The following ZNF695 variants were observed in gnomAD, a reference collection of about 807,000 sequenced individuals.
The protein encoded by ZNF695 is zinc finger protein SBZF3.
ZNF695 carries 11 observed loss-of-function variants against 11.2 expected under a neutral mutation model. That is an observed-to-expected ratio of 0.98 (90% CI 0.62 to 1.62). The LOEUF is 1.62. Ranked by LOEUF, ZNF695 falls within the 40% of genes most tolerant of loss-of-function variation. The pLI, the probability that ZNF695 is intolerant of heterozygous loss-of-function variation, is 0.00. For synonymous variants in ZNF695, 190 were observed against 201.4 expected (o/e 0.94, Z 0.48); for missense variants, 559 against 590.5 (o/e 0.95, Z 0.55).
At chr1:246,982,131 G>A (rs920873250), downstream of ZNF695, among the ~76,000 whole-genome samples, 4 of 151,962 alleles carry the variant, frequency 2.6e-5, no homozygotes, top group South Asian at 4.2e-4. Context: ...TTAGCCAGGC[G>A]TGGTGGTGCA....
At chr1:246,997,963 C>G (rs1463480398) in intron 3 of ZNF695, among the ~76,000 whole-genome samples, 1 of 152,206 alleles carries the variant, frequency 6.6e-6, no homozygotes, top group African/African-American at 2.4e-5. Flanking sequence ...CTTTGGAAAT[C>G]TAATGAGTAG....
chr1:246,970,090 T>TA (rs1468072484), intron 4 of ZNF695, among the ~76,000 whole-genome samples: 1 of 152,192 alleles, frequency 6.6e-6, no homozygotes, highest in Non-Finnish European at 1.5e-5. Flanking sequence ...TAGCACTTAG[T>TA]ATAGAGAGCA....
At chr1:246,998,923 G>C (rs1669282269) in intron 3 of ZNF695, among the ~76,000 whole-genome samples, 1 of 151,816 alleles carries the variant, frequency 6.6e-6, no homozygotes, top group Non-Finnish European at 1.5e-5. Context: ...AGCCGAGATT[G>C]TGCCACTGCA....
downstream of ZNF695, among the ~76,000 whole-genome samples, chr1:246,982,212 G>A (rs1668726286): frequency 6.8e-6 from 1 of 147,218 alleles, no homozygotes. Context: ...GGAGGTTGCG[G>A]TGAGCCGAGA....
At chr1:246,957,233 A>T (rs1446994495) in intron 5 of ZNF695, among the ~76,000 whole-genome samples, 1 of 152,138 alleles carries the variant, frequency 6.6e-6, no homozygotes, top group East Asian at 1.9e-4. Flanking sequence ...AATACAAAAA[A>T]TTAGCTGGGC....
Position 246,986,386 on chromosome 1 carries a change from A to C in ZNF695, c.*581T>G. On this transcript the variant is annotated 3_prime_UTR_variant, in exon 4 of 4. Coordinates refer to ENST00000339986, the MANE Select transcript of ZNF695 (RefSeq NM_020394.5). ...CCTGGCACCAAAAGGTATACTTGAAATGTAATTATAACTTCCCCAAAAGGT... is the reference window on the plus strand; with the variant it reads ...CCTGGCACCAAAAGGTATACTTGAACTGTAATTATAACTTCCCCAAAAGGT... The C allele has an allele frequency of 1.0e-6, 1 of 985,560 alleles. No individual in the cohort carries two copies. The highest frequency in any genetic ancestry group is 1.2e-6 in the Non-Finnish European group (1 of 830,006). 61.1% of individuals were successfully genotyped at this position (985,560 alleles called of 1,614,324 possible).
intron 5 of ZNF695, among the ~76,000 whole-genome samples, chr1:246,952,062 C>T (rs558156842): frequency 1.3e-5 from 2 of 152,316 alleles, no homozygotes; most frequent in African/African-American, 4.8e-5. Flanking sequence ...GATTCTCCCA[C>T]CTCAGCCTCC....
At chr1:246,955,922 C>G (rs942572212) in intron 5 of ZNF695, among the ~76,000 whole-genome samples, 5 of 151,846 alleles carry the variant, frequency 3.3e-5, no homozygotes, top group African/African-American at 1.2e-4. Flanking sequence ...GGTACGGAGG[C>G]ACGGGAGCCA....
Position 246,987,556 on chromosome 1 carries a change from C to G in ZNF695, c.959G>C (p.Arg320Thr). ...TTCTTCACACTTGTAGGGTTTCTCTCTACTATGAATTCTCTTGTGTTGAGT... is the reference window on the plus strand; with the variant it reads ...TTCTTCACACTTGTAGGGTTTCTCTGTACTATGAATTCTCTTGTGTTGAGT... Reference protein sequence around the residue: ...YLTQHKRIHSREKPYKCEECG... With the variant: ...YLTQHKRIHSTEKPYKCEECG... The change falls in exon 4 of 4, where the codon AGA (arginine) becomes ACA (threonine). Residue 320 changes from arginine to threonine, a missense_variant. Transcript: ENST00000339986. 4.4e-6 allele frequency: 7 copies of G among 1,599,434 alleles called. No individual in the cohort carries two copies. The highest frequency in any genetic ancestry group is 4.3e-6 in the Non-Finnish European group (5 of 1,174,166).
At chr1:246,946,489 C>T (rs1452141057) in intron 5 of ZNF695, among the ~76,000 whole-genome samples, 2 of 152,212 alleles carry the variant, frequency 1.3e-5, no homozygotes, top group African/African-American at 2.4e-5. Context: ...ATGTAGCCAA[C>T]AATTGCACTC....
chr1:246,966,817 G>A, intron 5 of ZNF695: 2 of 456,700 alleles, frequency 4.4e-6, no homozygotes, highest in African/African-American at 2.0e-5. Context: ...AGAAAGTTGT[G>A]GGGAGGTCCT....
intron 4 of ZNF695, among the ~76,000 whole-genome samples, chr1:246,977,408 C>A (rs1668597215): frequency 6.6e-6 from 1 of 152,334 alleles, no homozygotes; most frequent in Middle Eastern, 3.4e-3. Context: ...GGGTGCCCGC[C>A]ACCATACCTG....
rs371804649 is a variant in ZNF695, at chr1:246,987,318, C to A, written c.1197G>T (p.Lys399Asn). Residue 399 changes from lysine (K) to asparagine (N), a missense_variant, in exon 4 of 4, where the codon AAG (lysine) becomes AAT (asparagine). Transcript: ENST00000339986. ...AGGGTTTCTGCCCAGTATGAATTCT[C>A]TTATGCTGAATAAGGTATGAGAACC... Reference protein sequence around the residue: ...FTWFSYLIQHKRIHTGQKPYK... With the variant: ...FTWFSYLIQHNRIHTGQKPYK... 3 of 1,613,640 alleles carry A rather than the reference C, an allele frequency of 1.9e-6. No individual in the cohort carries two copies. The highest frequency in any genetic ancestry group is 2.5e-6 in the Non-Finnish European group (3 of 1,179,958).
chr1:247,007,845 AT>A, intron 1 of ZNF695, 60 bp downstream of exon 1: 1 of 1,497,360 alleles, frequency 6.7e-7, no homozygotes, highest in Non-Finnish European at 9.0e-7. Flanking sequence ...GTTCCAGCCA[AT>A]TCCAACCGAT....
chr1:246,949,508 T>C (rs1667819552), intron 5 of ZNF695, among the ~76,000 whole-genome samples: 1 of 151,958 alleles, frequency 6.6e-6, no homozygotes, highest in Non-Finnish European at 1.5e-5. Flanking sequence ...GGAGACTCGC[T>C]TGAACCCAGG....
In ZNF695 at chr1:246,945,928, T is replaced by C. The variant is rs981121130; in HGVS notation, c.489-101A>G. On this transcript the variant is annotated intron_variant, in intron 5 of 5. Transcript: ENST00000487338. ...AAACCGGTTCTGATTGAAGACTTGG[T>C]TCCATTGGAGAAGTCTGTCTGTCCC... The C allele has an allele frequency of 3.5e-6, 5 of 1,423,048 alleles. No homozygotes were observed. In the African/African-American group the frequency reaches 5.7e-5, roughly 16 times the overall value. 88.2% of individuals were successfully genotyped at this position (1,423,048 alleles called of 1,614,324 possible). A position where few individuals can be genotyped will look rare whatever the true frequency, so the allele number is the denominator to read the frequency against.
At chr1:246,981,943 A>G (rs2103019173), downstream of ZNF695, among the ~76,000 whole-genome samples, 1 of 152,298 alleles carries the variant, frequency 6.6e-6, no homozygotes, top group Middle Eastern at 3.4e-3. Flanking sequence ...GAGATTTAAA[A>G]AGTTCCCAAG....
chr1:246,999,787 G>C (rs961895470), intron 2 of ZNF695, 125 bp downstream of exon 2: 4 of 951,776 alleles, frequency 4.2e-6, no homozygotes, highest in African/African-American at 3.3e-5. Flanking sequence ...AAAACATCTT[G>C]AAAGTTTTGT....
intron 4 of ZNF695, among the ~76,000 whole-genome samples, chr1:246,978,712 G>A (rs1668628828): frequency 6.6e-6 from 1 of 152,220 alleles, no homozygotes; most frequent in Non-Finnish European, 1.5e-5. Flanking sequence ...TGCAGAGGCT[G>A]CTGCACGTAG....
Sources: allele counts gnomAD v4.1 joint callset (sites outside exome capture counted in the v4.1 genomes callset), GRCh38; gene constraint gnomAD v4.1.1; transcripts MANE v1.5; gene names NCBI Gene and HGNC (gene_info 2026-07-23, HGNC 2026-07-21).